Variants in WWOX observed in about 807,000 individuals in gnomAD.
The protein encoded by WWOX is WW domain-containing oxidoreductase.
WWOX carries 69 observed loss-of-function variants against 46.2 expected under a neutral mutation model. The ratio of observed to expected loss-of-function variants is 1.49; its 90% CI spans 1.23 to 1.82. The LOEUF (loss-of-function observed/expected upper bound fraction) is 1.82, where lower values mean the gene tolerates loss of function less well. Among genes scored for constraint, WWOX ranks in the 40% most tolerant of loss-of-function variants. The pLI, the probability that WWOX is intolerant of heterozygous loss-of-function variation, is 0.00. For missense variants in WWOX, 919 were observed against 542.6 expected, an observed-to-expected ratio of 1.69 and a Z score of -6.89; for synonymous variants, 359 against 202.6, an observed-to-expected ratio of 1.77 and a Z score of -6.56.
At chr16:78,155,059 GC>G (rs2034552581) in intron 4 of WWOX, among the ~76,000 whole-genome samples, 1 of 152,144 alleles carries the variant, frequency 6.6e-6, no homozygotes, top group African/African-American at 2.4e-5. Context: ...GTGGGATTGG[GC>G]CCCCAGTGGT....
rs537884975 is a variant in WWOX at position 78,274,006 on chromosome 16, T to A, written c.516+109717T>A. On this transcript the variant is annotated intron_variant, in intron 5 of 8. Coordinates refer to ENST00000566780, the MANE Select transcript of WWOX (RefSeq NM_016373.4). ...CATATTTGGACTGGAGAACCCAGCA[T>A]CTGACTTAAAGAGTCTGCTTCTCTT... Among the ~76,000 whole-genome samples, 14 of 152,308 alleles carry A rather than the reference T, an allele frequency of 9.2e-5. No individual in the cohort carries two copies. In the South Asian group the frequency reaches 2.9e-3, roughly 32 times the overall value.
At chr16:78,670,075 C>T (rs2047423903) in intron 8 of WWOX, among the ~76,000 whole-genome samples, 1 of 152,122 alleles carries the variant, frequency 6.6e-6, no homozygotes, top group African/African-American at 2.4e-5. Context: ...TTTTAAATTC[C>T]TGTTCCCGGC....
intron 5 of WWOX, among the ~76,000 whole-genome samples, chr16:78,165,285 G>C (rs2034934505): frequency 6.6e-6 from 1 of 152,222 alleles, no homozygotes; most frequent in Non-Finnish European, 1.5e-5. Flanking sequence ...TTCATGAAGT[G>C]CACCTCTGTG....
At chr16:78,633,362 C>T (rs1432735741) in intron 8 of WWOX, among the ~76,000 whole-genome samples, 6 of 152,144 alleles carry the variant, frequency 3.9e-5, no homozygotes, top group Non-Finnish European at 8.8e-5. Context: ...GGGATTTGAA[C>T]CTAGGAGCTC....
chr16:78,805,414 C>A (rs1301769707), intron 8 of WWOX, among the ~76,000 whole-genome samples: 2 of 138,114 alleles, frequency 1.4e-5, no homozygotes, highest in African/African-American at 5.7e-5. Context: ...GCACCCGCCA[C>A]CTCGCCTGGC....
At chr16:79,068,625 C>T (rs961991471) in intron 8 of WWOX, among the ~76,000 whole-genome samples, 1 of 151,362 alleles carries the variant, frequency 6.6e-6, no homozygotes, top group African/African-American at 2.4e-5. Flanking sequence ...CATGGTGAGA[C>T]CCCCATCTCT....
intron 6 of WWOX, among the ~76,000 whole-genome samples, chr16:78,421,170 A>C (rs960996811): frequency 6.6e-6 from 1 of 152,208 alleles, no homozygotes; most frequent in South Asian, 2.1e-4. Flanking sequence ...ATAACAAATT[A>C]CCACAGATGG....
At chr16:78,720,644 G>C (rs553006052) in intron 8 of WWOX, among the ~76,000 whole-genome samples, 33 of 151,942 alleles carry the variant, frequency 2.2e-4, no homozygotes, top group African/African-American at 7.5e-4. Context: ...CTTGACCCTT[G>C]AATTGAATAT....
intron 8 of WWOX, among the ~76,000 whole-genome samples, chr16:78,657,484 A>C (rs1196630874): frequency 1.3e-5 from 2 of 152,172 alleles, no homozygotes; most frequent in African/African-American, 4.8e-5. Flanking sequence ...ACTACGATGC[A>C]TGCTGGGGTC....
intron 1 of WWOX, among the ~76,000 whole-genome samples, chr16:78,102,695 T>G (rs759465581): frequency 1.3e-4 from 20 of 152,212 alleles, no homozygotes; most frequent in Non-Finnish European, 2.9e-4. Context: ...TTTCTCTGCT[T>G]CTTCGTGCTT....
Position 78,386,991 on chromosome 16 carries a change from AT to A in WWOX, c.605+45del, listed in dbSNP as rs764645324. ...GGGTTATAGATCATAATTTCTTGCT[AT>A]TGTAATATCTTTATCAGATGAACAC... On this transcript the variant is annotated intron_variant, in intron 6 of 8. Coordinates refer to ENST00000566780, the MANE Select transcript of WWOX (RefSeq NM_016373.4). 6 of 1,571,858 alleles carry A rather than the reference AT, an allele frequency of 3.8e-6. No individual in the cohort carries two copies. The African/African-American group carries it at 6.7e-5, about 18-fold the overall frequency.
intron 8 of WWOX, among the ~76,000 whole-genome samples, chr16:79,079,887 A>C (rs2048728213): frequency 6.6e-6 from 1 of 152,116 alleles, no homozygotes; most frequent in Admixed American, 6.5e-5. Context: ...GAATATAGAA[A>C]ATTTGGCAGG....
intron 8 of WWOX, among the ~76,000 whole-genome samples, chr16:78,838,917 G>C (rs970743353): frequency 6.6e-6 from 1 of 152,112 alleles, no homozygotes; most frequent in Non-Finnish European, 1.5e-5. Context: ...AGTGGGGGGT[G>C]AGTGGGAACC....
At chr16:79,159,734 T>G (rs2050448670) in intron 8 of WWOX, among the ~76,000 whole-genome samples, 1 of 152,192 alleles carries the variant, frequency 6.6e-6, no homozygotes, top group Non-Finnish European at 1.5e-5. Flanking sequence ...TCAATCTAGT[T>G]TTATTTCTTC....
chr16:78,281,970 C>T (rs35335441), intron 5 of WWOX, among the ~76,000 whole-genome samples: 9,617 of 152,290 alleles, frequency 0.063, 856 homozygotes, highest in African/African-American at 0.2. Flanking sequence ...GGCAGACGAG[C>T]ACTGTCCCAT....
At chr16:79,040,627 A>G (rs2047952968) in intron 8 of WWOX, among the ~76,000 whole-genome samples, 1 of 151,992 alleles carries the variant, frequency 6.6e-6, no homozygotes, top group Non-Finnish European at 1.5e-5. Context: ...GAAAATCATG[A>G]CTGTAAAACA....
At chr16:78,347,576 G>A (rs1472070400) in intron 5 of WWOX, among the ~76,000 whole-genome samples, 1 of 119,938 alleles carries the variant, frequency 8.3e-6, no homozygotes, top group East Asian at 1.9e-4. Context: ...CCAGTCCGAA[G>A]CCCAAGGAGA....
chr16:78,101,346 C>CTTTTTTTTTTCTTTTTTTTTTTTTT (rs2031769550), intron 1 of WWOX, among the ~76,000 whole-genome samples: 1 of 66,822 alleles, frequency 1.5e-5, no homozygotes, highest in Non-Finnish European at 3.0e-5. Context: ...CGCTCCCGGC[C>CTTTTTTTTTTCTTTTTTTTTTTTTT]TTTTTTTTTT....
chr16:78,297,075 A>C (rs2079954518), intron 5 of WWOX, among the ~76,000 whole-genome samples: 1 of 152,148 alleles, frequency 6.6e-6, no homozygotes, highest in African/African-American at 2.4e-5. Flanking sequence ...GGAAAAGAGC[A>C]CAAGTTTCTT....
Sources: gnomAD v4.1 joint callset for allele counts (sites outside exome capture counted in the v4.1 genomes callset) on GRCh38, gnomAD v4.1.1 for gene constraint, MANE v1.5 for transcripts, NCBI Gene and HGNC (gene_info 2026-07-23, HGNC 2026-07-21) for gene names.